Variants in C4orf33 observed in about 807,000 individuals in gnomAD.
C4orf33 encodes chromosome 4 open reading frame 33, also known as UPF0462 protein C4orf33.
Under a neutral mutation model 24.3 loss-of-function variants are expected in C4orf33, and 20 were observed. That is an observed-to-expected ratio of 0.82 (90% CI 0.58 to 1.19). The LOEUF (loss-of-function observed/expected upper bound fraction) is 1.19. Among genes scored for constraint, C4orf33 ranks in the 50% most tolerant of loss-of-function variants. C4orf33 has a pLI of 0.00. For missense variants in C4orf33, 207 were observed against 225.9 expected (o/e 0.92, Z 0.54); for synonymous variants, 67 against 76.4 (o/e 0.88, Z 0.64).
At chr4:129,102,545 A>G (rs1753386836) in intron 1 of C4orf33, 57 bp from the exon 2 acceptor site, 5 of 1,328,582 alleles carry the variant, frequency 3.8e-6, no homozygotes, top group East Asian at 4.9e-5. Context: ...TTCATTTCCA[A>G]CTAAAGAAAA....
In C4orf33 at chr4:129,113,739, T is replaced by A. The variant is rs1753733282; in HGVS notation, c.*1948T>A. On this transcript the variant is annotated 3_prime_UTR_variant, in exon 6 of 6. Coordinates refer to ENST00000425929, the MANE Select transcript of C4orf33 (RefSeq NM_001099783.2). ...TTTTTATTTTTGGCTCCAAACTACT[T>A]TTTTTAAACGTTAAAAAGGTTTTTT... 6.6e-6 allele frequency: 1 copy of A among 150,664 alleles called. No individual in the cohort carries two copies. The highest frequency in any genetic ancestry group is 6.7e-5 in the Admixed American group (1 of 14,978). The allele number at this position is 150,664 out of a possible 1,614,324, so 9.3% of individuals were successfully genotyped here.
chr4:129,104,296 C>T (rs1445982674), intron 2 of C4orf33, among the ~76,000 whole-genome samples: 1 of 152,178 alleles, frequency 6.6e-6, no homozygotes, highest in African/African-American at 2.4e-5. Flanking sequence ...GTTAGGCTTT[C>T]ATCATCTTTT....
intron 1 of C4orf33, 102 bp from the exon 2 acceptor site, chr4:129,102,500 C>A: frequency 2.4e-6 from 2 of 834,862 alleles, no homozygotes; most frequent in Non-Finnish European, 1.8e-6. Flanking sequence ...ACTCTGCTGC[C>A]TTTCCCGTCT....
intron 2 of C4orf33, among the ~76,000 whole-genome samples, chr4:129,103,586 T>G (rs899710834): frequency 3.9e-5 from 6 of 152,144 alleles, no homozygotes; most frequent in African/African-American, 1.4e-4. Context: ...TCAGGTTTGC[T>G]CTATGATCTC....
chr4:129,099,577 A>G (rs1753294352), intron 1 of C4orf33, among the ~76,000 whole-genome samples: 1 of 152,232 alleles, frequency 6.6e-6, no homozygotes, highest in African/African-American at 2.4e-5. Flanking sequence ...TCAGGGAGTC[A>G]ATAAACAAAT....
At chr4:129,100,003 C>A (rs1753307332) in intron 1 of C4orf33, among the ~76,000 whole-genome samples, 1 of 151,772 alleles carries the variant, frequency 6.6e-6, no homozygotes, top group Non-Finnish European at 1.5e-5. Flanking sequence ...TATATTCTGT[C>A]TTTGGACTGA....
chr4:129,106,812 C>T (rs1753533338), intron 3 of C4orf33, among the ~76,000 whole-genome samples, 165 bp downstream of exon 3: 1 of 151,582 alleles, frequency 6.6e-6, no homozygotes, highest in Non-Finnish European at 1.5e-5. Flanking sequence ...AAGTACAGAG[C>T]ACATATTTAG....
At chr4:129,094,646 G>C (rs1753126659), upstream of C4orf33, among the ~76,000 whole-genome samples, 2 of 152,232 alleles carry the variant, frequency 1.3e-5, no homozygotes, top group Admixed American at 1.3e-4. Flanking sequence ...TTCCTCTAAA[G>C]ACTAGCTGTT....
In C4orf33 at chr4:129,101,941, A is replaced by G. The variant is rs1753364587; in HGVS notation, c.-9-661A>G. ...TATATGCTGGGACAAAGGAAGGCAA[A>G]ATTCAACTCTACTAACTTTTAAATG... On this transcript the variant is annotated intron_variant, in intron 1 of 5. Transcript: ENST00000425929. Among the ~76,000 whole-genome samples, 5 of 152,180 alleles carry G rather than the reference A, an allele frequency of 3.3e-5. No homozygotes were observed. In the South Asian group the frequency reaches 8.3e-4, roughly 25 times the overall value.
chr4:129,096,921 A>T (rs535489097), intron 1 of C4orf33, among the ~76,000 whole-genome samples: 142 of 152,090 alleles, frequency 9.3e-4, no homozygotes, highest in African/African-American at 3.1e-3. Flanking sequence ...AAATATATAT[A>T]TTTTTTTGAG....
chr4:129,106,597 A>AT lies in C4orf33; in HGVS notation c.197dup (p.Asn68GlufsTer2). ...CTCTGTTTTCAAAAGTTGTGGAAGC[A>AT]TTTTTCTTGAATGATATAACTGAGC... On this transcript the variant is annotated frameshift_variant, in exon 3 of 6. Transcript: ENST00000425929. LOFTEE classifies it high-confidence loss of function. 1 of 1,535,904 alleles carries AT rather than the reference A, an allele frequency of 6.5e-7. No homozygotes were observed. The highest frequency in any genetic ancestry group is 8.9e-7 in the Non-Finnish European group (1 of 1,124,232).
rs773991588 is a variant in C4orf33 at position 129,102,691 on chromosome 4, C to A, written c.81C>A (p.Asp27Glu). ...TATTTATCAGGCTGAATCCAGGTGA[C>A]AGAGGAGTGATGATGGACATTAGTG... ...EPVFIRLNPG[D>E]RGVMMDISAP... The change falls in exon 2 of 6, where the codon GAC (aspartate) becomes GAA (glutamate). Residue 27 changes from aspartate (D) to glutamate (E), a missense_variant. Physicochemically the swap from Asp to Glu is conservative, Grantham distance 45 (BLOSUM62 2). Transcript: ENST00000425929. 1 of 1,614,108 alleles carries A rather than the reference C, an allele frequency of 6.2e-7. No homozygotes were observed. The highest frequency in any genetic ancestry group is 2.2e-5 in the East Asian group (1 of 44,876).
chr4:129,109,725 T>C (rs574654514), intron 5 of C4orf33, 53 bp downstream of exon 5: 1 of 1,467,830 alleles, frequency 6.8e-7, no homozygotes, highest in African/African-American at 1.4e-5. Context: ...TTTTTCGAAA[T>C]TAATTCTTAG....
chr4:129,106,440 A>G (rs1018940936), intron 2 of C4orf33, 147 bp from the exon 3 acceptor site: 3 of 467,830 alleles, frequency 6.4e-6, no homozygotes, highest in Non-Finnish European at 1.2e-5. Context: ...CTTCCAGGCA[A>G]TGTCTATTTT....
rs1257477464 is a variant in C4orf33, at chr4:129,114,000, T to G, written c.*2209T>G. 1 of 152,196 alleles carries G rather than the reference T, an allele frequency of 6.6e-6. No homozygotes were observed. Among genetic ancestry groups the G allele is most frequent in the Non-Finnish European group, 1.5e-5 (1 of 68,040 alleles). The allele number at this position is 152,196 out of a possible 1,614,324, so 9.4% of individuals were successfully genotyped here. A position where few individuals can be genotyped will look rare whatever the true frequency, so the allele number is the denominator to read the frequency against. ...ATTTCCATAATATTTTACACATTGC[T>G]TTATTACAGCATTTATTTCACTGGT... is the stretch of plus-strand genomic sequence containing the variant. On this transcript the variant is annotated 3_prime_UTR_variant, in exon 6 of 6. Transcript: ENST00000425929.
intron 2 of C4orf33, among the ~76,000 whole-genome samples, chr4:129,105,214 T>C (rs977162195): frequency 1.3e-5 from 2 of 152,184 alleles, no homozygotes; most frequent in Admixed American, 6.5e-5. Context: ...GGAGAGTCTA[T>C]GTTGCAGTTC....
chr4:129,112,883 G>A lies in C4orf33; in HGVS notation c.*1092G>A, dbSNP rs1753719293. On this transcript the variant is annotated 3_prime_UTR_variant, in exon 6 of 6. Coordinates refer to ENST00000425929, the MANE Select transcript of C4orf33 (RefSeq NM_001099783.2). ...CAGTGTTAGGCATCTTAGATAAATT[G>A]AGAAATTATTCTTAAAACTGACAAT... is the stretch of plus-strand genomic sequence containing the variant. 1 of 152,044 alleles carries A rather than the reference G, an allele frequency of 6.6e-6. No individual in the cohort carries two copies. 9.4% of individuals were successfully genotyped at this position (152,044 alleles called of 1,614,324 possible).
intron 2 of C4orf33, 52 bp from the exon 3 acceptor site, chr4:129,106,535 G>T (rs879537515): frequency 3.5e-6 from 3 of 866,092 alleles, no homozygotes; most frequent in Non-Finnish European, 1.8e-6. Context: ...ATTATTTATT[G>T]TTGGAAAGCA....
At chr4:129,106,554 TATCTC>T (rs1441440372) in intron 2 of C4orf33, 28 bp from the exon 3 acceptor site, 8 of 1,076,890 alleles carry the variant, frequency 7.4e-6, no homozygotes, top group Non-Finnish European at 1.1e-5. Context: ...CAATATTAAA[TATCTC>T]AATATGTTAT....
Sources: gnomAD v4.1 joint callset for allele counts (sites outside exome capture counted in the v4.1 genomes callset) on GRCh38, gnomAD v4.1.1 for gene constraint, MANE v1.5 for transcripts, NCBI Gene and HGNC (gene_info 2026-07-23, HGNC 2026-07-21) for gene names.